GMDS: variants seen among roughly 807,000 people sequenced by gnomAD.
GMDS encodes GDP-mannose 4,6-dehydratase.
Under a neutral mutation model 49.9 loss-of-function variants are expected in GMDS, and 20 were observed. The ratio of observed to expected loss-of-function variants is 0.40; its 90% CI spans 0.28 to 0.58. GMDS has a LOEUF of 0.58. GMDS is among the 20% of genes least tolerant of loss of function. GMDS has a pLI of 0.42. For synonymous variants in GMDS, 177 were observed against 178.6 expected (o/e 0.99, Z 0.07); for missense variants, 362 against 481.4 (o/e 0.75, Z 2.32).
At chr6:1,920,741 C>T (rs1020303650) in intron 7 of GMDS, among the ~76,000 whole-genome samples, 2 of 151,926 alleles carry the variant, frequency 1.3e-5, no homozygotes, top group African/African-American at 4.8e-5. Flanking sequence ...AAGTGGGAGA[C>T]GTCAGTGAAA....
At chr6:2,245,185 C>T (rs1201702759) in intron 1 of GMDS, 136 bp downstream of exon 1, 5 of 652,568 alleles carry the variant, frequency 7.7e-6, no homozygotes, top group Admixed American at 6.9e-5. Flanking sequence ...TTCCGTCCCA[C>T]CTCCCGGCAG....
chr6:1,775,337 A>C (rs1768754280), intron 7 of GMDS, among the ~76,000 whole-genome samples: 1 of 152,232 alleles, frequency 6.6e-6, no homozygotes, highest in Non-Finnish European at 1.5e-5. Context: ...CCAATTCTAC[A>C]GGGTGGCTGC....
At chr6:1,737,238 C>T (rs553479858) in intron 8 of GMDS, among the ~76,000 whole-genome samples, 13 of 152,276 alleles carry the variant, frequency 8.5e-5, no homozygotes, top group African/African-American at 2.9e-4. Flanking sequence ...CCTCCCACAA[C>T]GACAACAAGC....
At chr6:1,826,759 TG>T (rs1446684834) in intron 7 of GMDS, among the ~76,000 whole-genome samples, 1 of 152,164 alleles carries the variant, frequency 6.6e-6, no homozygotes, top group African/African-American at 2.4e-5. Flanking sequence ...GTAGAGCTAT[TG>T]TTTATTATAA....
intron 1 of GMDS, among the ~76,000 whole-genome samples, chr6:2,216,873 G>A (rs1200793508): frequency 6.6e-6 from 1 of 152,162 alleles, no homozygotes; most frequent in Non-Finnish European, 1.5e-5. Flanking sequence ...CTCTGCAGCA[G>A]CCCCTGCACC....
intron 9 of GMDS, among the ~76,000 whole-genome samples, chr6:1,710,987 CA>C (rs886380983): frequency 7.9e-5 from 12 of 152,306 alleles, no homozygotes; most frequent in African/African-American, 2.9e-4. Context: ...CCAAGCCAAG[CA>C]AAAACTTGGG....
chr6:1,868,822 A>C (rs987071148), intron 7 of GMDS, among the ~76,000 whole-genome samples: 4 of 152,238 alleles, frequency 2.6e-5, no homozygotes, highest in African/African-American at 9.6e-5. Context: ...ATAACTTAGA[A>C]TCTTATAAGG....
intron 6 of GMDS, among the ~76,000 whole-genome samples, chr6:1,942,914 A>G (rs1298358398): frequency 1.3e-5 from 2 of 152,080 alleles, no homozygotes; most frequent in African/African-American, 4.8e-5. Context: ...GGCCCTTATC[A>G]TTTTCTTTAC....
chr6:2,214,548 A>G (rs1780228607), intron 1 of GMDS, among the ~76,000 whole-genome samples: 1 of 152,232 alleles, frequency 6.6e-6, no homozygotes, highest in Non-Finnish European at 1.5e-5. Context: ...TGCAGGTTAC[A>G]TGCAAATATT....
At chr6:1,652,123 A>G (rs1204696923) in intron 9 of GMDS, among the ~76,000 whole-genome samples, 3 of 151,276 alleles carry the variant, frequency 2.0e-5, no homozygotes, top group African/African-American at 7.3e-5. Context: ...CTGTAATCCC[A>G]GCACTTTGGG....
At chr6:1,787,881 T>C (rs1404946183) in intron 7 of GMDS, among the ~76,000 whole-genome samples, 2 of 151,860 alleles carry the variant, frequency 1.3e-5, no homozygotes, top group Admixed American at 6.6e-5. Flanking sequence ...CAAAGAGGAG[T>C]GTGTACAGGA....
chr6:1,799,444 T>C (rs528011008), intron 7 of GMDS, among the ~76,000 whole-genome samples: 1 of 152,358 alleles, frequency 6.6e-6, no homozygotes, highest in African/African-American at 2.4e-5. Flanking sequence ...CAAGTTGTGA[T>C]ACCTCTGATG....
chr6:2,171,013 C>T (rs896216910), intron 1 of GMDS, among the ~76,000 whole-genome samples: 2 of 152,036 alleles, frequency 1.3e-5, no homozygotes, highest in East Asian at 1.9e-4. Context: ...AAAAAAAATA[C>T]TCTAAAAACA....
At chr6:2,154,416 TTAAC>T (rs1281391005) in intron 1 of GMDS, among the ~76,000 whole-genome samples, 1 of 152,238 alleles carries the variant, frequency 6.6e-6, no homozygotes, top group African/African-American at 2.4e-5. Flanking sequence ...ATAATTTACA[TTAAC>T]TAACATACAA....
intron 7 of GMDS, among the ~76,000 whole-genome samples, chr6:1,804,894 A>G (rs950739015): frequency 4.6e-5 from 7 of 152,326 alleles, no homozygotes; most frequent in Non-Finnish European, 8.8e-5. Context: ...CTCTCAATGG[A>G]ATGTATTTCC....
chr6:2,166,965 G>A (rs911542371), intron 1 of GMDS, among the ~76,000 whole-genome samples: 6 of 152,170 alleles, frequency 3.9e-5, no homozygotes, highest in African/African-American at 1.4e-4. Flanking sequence ...AGGGAAGACC[G>A]TTGCCTCTAC....
At chr6:1,916,436 GGAGA>G (rs1189770130) in intron 7 of GMDS, among the ~76,000 whole-genome samples, 2 of 151,784 alleles carry the variant, frequency 1.3e-5, no homozygotes, top group African/African-American at 4.8e-5. Flanking sequence ...TGAAAGAAAG[GGAGA>G]GAGAGAGGAG....
At chr6:2,000,757 G>C (rs1766764904) in intron 4 of GMDS, among the ~76,000 whole-genome samples, 1 of 152,176 alleles carries the variant, frequency 6.6e-6, no homozygotes, top group Non-Finnish European at 1.5e-5. Flanking sequence ...GAACTCATGG[G>C]CTCAAGTGGT....
chr6:2,117,851 G>GC (rs1290799132), intron 2 of GMDS, among the ~76,000 whole-genome samples: 1 of 152,108 alleles, frequency 6.6e-6, no homozygotes, highest in Admixed American at 6.5e-5. Flanking sequence ...CACACTTACA[G>GC]CCTAACTGCT....
Sources: gnomAD v4.1 joint callset for allele counts (sites outside exome capture counted in the v4.1 genomes callset) on GRCh38, gnomAD v4.1.1 for gene constraint, MANE v1.5 for transcripts, NCBI Gene and HGNC (gene_info 2026-07-23, HGNC 2026-07-21) for gene names.